Variants in TJP1 observed in about 807,000 individuals in gnomAD.
TJP1 encodes the protein tight junction protein 1.
In TJP1, 43 loss-of-function variants were observed where a neutral mutation model predicts 194.2. That is an observed-to-expected ratio of 0.22 (90% confidence interval 0.17 to 0.29). The LOEUF (loss-of-function observed/expected upper bound fraction) is 0.29. Ranked by LOEUF, TJP1 falls within the 10% of genes least tolerant of loss-of-function variation. TJP1 has a pLI of 1.00. For synonymous variants in TJP1, 801 were observed against 779.0 expected, an observed-to-expected ratio of 1.03 and a Z score of -0.47; for missense variants, 1,971 against 2,185.7, an observed-to-expected ratio of 0.90 and a Z score of 1.96.
At chr15:29,947,320 T>C (rs2055319486) in intron 2 of TJP1, among the ~76,000 whole-genome samples, 1 of 152,212 alleles carries the variant, frequency 6.6e-6, no homozygotes, top group Admixed American at 6.5e-5. Context: ...TTGTAGCTTA[T>C]TGAGAGTCCT....
intron 5 of TJP1, among the ~76,000 whole-genome samples, chr15:29,763,781 A>AAC (rs2151551621): frequency 6.6e-6 from 1 of 151,868 alleles, no homozygotes; most frequent in South Asian, 2.1e-4. Flanking sequence ...AAAAAAAAAA[A>AAC]AAATTACATC....
intron 2 of TJP1, among the ~76,000 whole-genome samples, chr15:29,915,762 A>C (rs1021976400): frequency 6.6e-6 from 1 of 150,582 alleles, no homozygotes; most frequent in South Asian, 2.1e-4. Flanking sequence ...CATTTCAAAA[A>C]ACTTTTAAAA....
At chr15:29,908,783 C>T (rs1229963254) in intron 2 of TJP1, among the ~76,000 whole-genome samples, 1 of 152,090 alleles carries the variant, frequency 6.6e-6, no homozygotes, top group African/African-American at 2.4e-5. Flanking sequence ...CTCTGGGAGG[C>T]CAAGGTGGGC....
Position 29,822,234 on chromosome 15 carries a change from C to T in TJP1, c.-206G>A, listed in dbSNP as rs986767573. 1.5e-5 allele frequency: 18 copies of T among 1,175,854 alleles called. No individual in the cohort carries two copies. The highest frequency in any genetic ancestry group is 1.8e-5 in the Non-Finnish European group (17 of 951,754). 72.8% of individuals were successfully genotyped at this position (1,175,854 alleles called of 1,614,324 possible). Reference sequence around the variant, plus strand: ...AGCGCCCGCCCCGCCCGGGTCTTCTCCACGGGGCGCGCCCGACCGGCACCT... The same window carrying T: ...AGCGCCCGCCCCGCCCGGGTCTTCTTCACGGGGCGCGCCCGACCGGCACCT... On this transcript the variant is annotated 5_prime_UTR_variant, in exon 1 of 28. Transcript: ENST00000614355.
chr15:29,736,184 A>G (rs1414658340), intron 11 of TJP1, among the ~76,000 whole-genome samples: 1 of 152,252 alleles, frequency 6.6e-6, no homozygotes, highest in Admixed American at 6.5e-5. Flanking sequence ...CTTATTGAAA[A>G]CTGAGCTTCA....
chr15:29,821,829 GGCTCCCC>G (rs2050383228), intron 1 of TJP1, among the ~76,000 whole-genome samples, 166 bp downstream of exon 1: 1 of 144,286 alleles, frequency 6.9e-6, no homozygotes, highest in Non-Finnish European at 1.5e-5. Context: ...CCGCCCGAGG[GGCTCCCC>G]GCGGCCCGCG....
chr15:29,877,118 A>G (rs551335669), intron 2 of TJP1, among the ~76,000 whole-genome samples: 3 of 152,376 alleles, frequency 2.0e-5, no homozygotes, highest in African/African-American at 7.2e-5. Context: ...TACATTAATT[A>G]AAACTCATTG....
At chr15:29,863,236 C>T (rs2052162957) in intron 2 of TJP1, among the ~76,000 whole-genome samples, 1 of 151,926 alleles carries the variant, frequency 6.6e-6, no homozygotes, top group Non-Finnish European at 1.5e-5. Flanking sequence ...GCGGATGTTG[C>T]AGTGAGCCCA....
intron 2 of TJP1, among the ~76,000 whole-genome samples, chr15:29,881,491 C>T (rs770199746): frequency 4.6e-5 from 7 of 152,140 alleles, no homozygotes; most frequent in Non-Finnish European, 8.8e-5. Flanking sequence ...GTTTAGAGCC[C>T]TATTACCTGA....
intron 2 of TJP1, among the ~76,000 whole-genome samples, chr15:29,792,870 G>T (rs1022080993): frequency 1.3e-5 from 2 of 152,024 alleles, no homozygotes; most frequent in South Asian, 4.2e-4. Flanking sequence ...TATTTTATTT[G>T]TAGCTATTGG....
chr15:29,876,592 TTA>T (rs1277205152), intron 2 of TJP1, among the ~76,000 whole-genome samples: 1 of 152,164 alleles, frequency 6.6e-6, no homozygotes, highest in Non-Finnish European at 1.5e-5. Flanking sequence ...TTAGTGTATT[TTA>T]TGTGTGGCTG....
intron 22 of TJP1, 116 bp from the exon 23 acceptor site, chr15:29,716,954 T>G (rs2042606782): frequency 1.1e-6 from 1 of 879,890 alleles, no homozygotes; most frequent in African/African-American, 1.7e-5. Flanking sequence ...CTGCTGTGAT[T>G]ACTGAGGATC....
intron 10 of TJP1, among the ~76,000 whole-genome samples, chr15:29,740,642 C>T (rs545861364): frequency 6.6e-6 from 1 of 151,550 alleles, no homozygotes; most frequent in Non-Finnish European, 1.5e-5. Context: ...AAAAAAAAAA[C>T]TAACCAAACA....
At chr15:29,922,571 G>A (rs2054400645) in intron 2 of TJP1, among the ~76,000 whole-genome samples, 1 of 152,206 alleles carries the variant, frequency 6.6e-6, no homozygotes, top group Non-Finnish European at 1.5e-5. Context: ...TAATTGGTGT[G>A]AAAATGCAAG....
chr15:29,716,789 G>A lies in TJP1; in HGVS notation c.4024C>T (p.Arg1342Trp), dbSNP rs780095412. The A allele has an allele frequency of 6.8e-6, 11 of 1,611,866 alleles. No individual in the cohort carries two copies. The highest frequency in any genetic ancestry group is 2.2e-5 in the South Asian group (2 of 91,020). Residue 1342 changes from arginine to tryptophan, a missense_variant, in exon 23 of 28, where the codon CGG becomes TGG. Arg to Trp is a moderately radical substitution (Grantham distance 101). Coordinates refer to ENST00000614355, the MANE Select transcript of TJP1 (RefSeq NM_001330239.4). Reference sequence around the variant, plus strand: ...TCTTCAGGGTCATAATGATTGGACCGAACAATATCTTCAGGTGGCTTCAGT... The same window carrying A: ...TCTTCAGGGTCATAATGATTGGACCAAACAATATCTTCAGGTGGCTTCAGT... ...PQLKPPEDIV[R>W]SNHYDPEEDE...
intron 23 of TJP1, among the ~76,000 whole-genome samples, chr15:29,713,177 TAGTG>T (rs2042346471): frequency 6.6e-6 from 1 of 152,228 alleles, no homozygotes; most frequent in South Asian, 2.1e-4. Context: ...AAGTCTCACA[TAGTG>T]AGTTGAGTCC....
intron 1 of TJP1, among the ~76,000 whole-genome samples, chr15:29,816,884 C>T (rs1335139918): frequency 1.3e-5 from 2 of 152,184 alleles, no homozygotes; most frequent in Non-Finnish European, 2.9e-5. Context: ...CAATACCATT[C>T]AGGACATAGG....
intron 2 of TJP1, among the ~76,000 whole-genome samples, chr15:29,874,659 G>T (rs1264035611): frequency 5.3e-5 from 8 of 152,132 alleles, no homozygotes; most frequent in Non-Finnish European, 2.9e-5. Flanking sequence ...CCAGAAAAAT[G>T]AGCAAAACCA....
chr15:29,887,234 G>C (rs2053144725), intron 2 of TJP1, among the ~76,000 whole-genome samples: 1 of 148,212 alleles, frequency 6.7e-6, no homozygotes, highest in South Asian at 2.1e-4. Context: ...ATTTTGTTAA[G>C]GTAGAAAAAT....
Sources: gnomAD v4.1 joint callset for allele counts (sites outside exome capture counted in the v4.1 genomes callset) on GRCh38, gnomAD v4.1.1 for gene constraint, MANE v1.5 for transcripts, NCBI Gene and HGNC (gene_info 2026-07-23, HGNC 2026-07-21) for gene names.